SNTG1: variants seen among roughly 807,000 people sequenced by gnomAD.
The protein encoded by SNTG1 is syntrophin gamma 1.
SNTG1 carries 39 observed loss-of-function variants against 74.7 expected under a neutral mutation model. That is an observed-to-expected ratio of 0.52 (90% CI 0.40 to 0.68). SNTG1 has a LOEUF of 0.68. Ranked by LOEUF, SNTG1 falls within the 30% of genes least tolerant of loss-of-function variation. The pLI is 0.00. For missense variants in SNTG1, 685 were observed against 609.5 expected (o/e 1.12, Z -1.30); for synonymous variants, 254 against 217.1 (o/e 1.17, Z -1.49).
intron 6 of SNTG1, among the ~76,000 whole-genome samples, chr8:50,449,990 TTG>T (rs1333664251): frequency 6.6e-6 from 1 of 152,180 alleles, no homozygotes; most frequent in Non-Finnish European, 1.5e-5. Context: ...AGCTTTTCAG[TTG>T]TTTCATTAAA....
At chr8:49,951,068 C>T (rs1032278703) in intron 1 of SNTG1, among the ~76,000 whole-genome samples, 1 of 152,268 alleles carries the variant, frequency 6.6e-6, no homozygotes, top group East Asian at 1.9e-4. Context: ...TTGAATTAAT[C>T]TATTCTAACA....
intron 9 of SNTG1, among the ~76,000 whole-genome samples, chr8:50,521,811 G>C (rs1388968980): frequency 6.6e-6 from 1 of 152,010 alleles, no homozygotes; most frequent in Non-Finnish European, 1.5e-5. Context: ...ACACTCATGA[G>C]ATTGGAACAA....
At chr8:50,052,337 T>A (rs1819647597) in intron 1 of SNTG1, among the ~76,000 whole-genome samples, 1 of 152,142 alleles carries the variant, frequency 6.6e-6, no homozygotes, top group South Asian at 2.1e-4. Flanking sequence ...TAATAGTATT[T>A]TTATCCAACG....
At chr8:50,020,693 C>T (rs910946277) in intron 1 of SNTG1, among the ~76,000 whole-genome samples, 21 of 152,128 alleles carry the variant, frequency 1.4e-4, no homozygotes, top group African/African-American at 2.2e-4. Context: ...GCATAGACTA[C>T]ACCCCTGCAT....
intron 12 of SNTG1, among the ~76,000 whole-genome samples, chr8:50,573,826 A>G (rs1772720716): frequency 1.3e-5 from 2 of 151,940 alleles, no homozygotes; most frequent in African/African-American, 4.8e-5. Context: ...TTAATAACTT[A>G]TAAGTATACT....
intron 4 of SNTG1, among the ~76,000 whole-genome samples, chr8:50,422,616 TG>T (rs35947393): frequency 0.89 from 135,066 of 151,896 alleles, 60,516 homozygotes; most frequent in Non-Finnish European, 0.96. Context: ...AAAGGTAGGT[TG>T]GGGGGAAGGG....
intron 13 of SNTG1, among the ~76,000 whole-genome samples, chr8:50,597,455 A>T (rs1307669288): frequency 2.0e-5 from 3 of 150,498 alleles, no homozygotes. Flanking sequence ...TTATTCATTC[A>T]TCTGTATATG....
At chr8:50,469,522 T>A (rs1190411525) in intron 8 of SNTG1, among the ~76,000 whole-genome samples, 2 of 152,120 alleles carry the variant, frequency 1.3e-5, no homozygotes, top group African/African-American at 4.8e-5. Context: ...TCAAAATTCA[T>A]CTAATTCCTT....
At chr8:50,292,278 T>C (rs1359846359) in intron 2 of SNTG1, among the ~76,000 whole-genome samples, 1 of 152,014 alleles carries the variant, frequency 6.6e-6, no homozygotes, top group Non-Finnish European at 1.5e-5. Context: ...GAGAGCATAA[T>C]CTACTTGAAT....
intron 2 of SNTG1, among the ~76,000 whole-genome samples, chr8:50,214,822 G>T (rs2084699783): frequency 6.6e-6 from 1 of 152,096 alleles, no homozygotes; most frequent in African/African-American, 2.4e-5. Context: ...TCAAAAAATT[G>T]CAAGTGAGAT....
intron 1 of SNTG1, among the ~76,000 whole-genome samples, chr8:49,923,970 A>T (rs1286832675): frequency 1.3e-5 from 2 of 152,220 alleles, no homozygotes; most frequent in Non-Finnish European, 2.9e-5. Context: ...GAACATCATT[A>T]GACCTATATC....
chr8:50,093,469 C>A (rs1243459893), intron 1 of SNTG1, among the ~76,000 whole-genome samples: 6 of 151,960 alleles, frequency 3.9e-5, no homozygotes, highest in African/African-American at 1.5e-4. Context: ...TAATTAGCAC[C>A]AAATAACACT....
intron 17 of SNTG1, among the ~76,000 whole-genome samples, chr8:50,716,017 T>A (rs1279351817): frequency 1.3e-5 from 2 of 152,206 alleles, no homozygotes; most frequent in African/African-American, 4.8e-5. Flanking sequence ...AAATCTTTGA[T>A]ATGGCTTTGA....
chr8:50,572,502 A>G (rs1563594344), intron 12 of SNTG1, among the ~76,000 whole-genome samples: 1 of 152,178 alleles, frequency 6.6e-6, no homozygotes, highest in African/African-American at 2.4e-5. Context: ...AAGAAAGCTC[A>G]CTCAGATATA....
intron 1 of SNTG1, among the ~76,000 whole-genome samples, chr8:50,010,247 G>T (rs1417551839): frequency 6.6e-6 from 1 of 151,968 alleles, no homozygotes; most frequent in Non-Finnish European, 1.5e-5. Flanking sequence ...CAGTATTCAA[G>T]GTGTATTACT....
chr8:49,963,505 T>A (rs1461393975), intron 1 of SNTG1, among the ~76,000 whole-genome samples: 1 of 152,216 alleles, frequency 6.6e-6, no homozygotes, highest in East Asian at 1.9e-4. Context: ...ATAGTGTTTT[T>A]CTTTTGGTAT....
chr8:50,193,607 C>A (rs2083658138), intron 2 of SNTG1, among the ~76,000 whole-genome samples: 1 of 152,066 alleles, frequency 6.6e-6, no homozygotes, highest in Non-Finnish European at 1.5e-5. Context: ...AGGATCATAT[C>A]ATCAGCAAAC....
intron 17 of SNTG1, among the ~76,000 whole-genome samples, chr8:50,717,955 C>T (rs1394482708): frequency 1.3e-5 from 2 of 152,166 alleles, no homozygotes; most frequent in African/African-American, 2.4e-5. Context: ...TCTTGATCAA[C>T]CAGTCAGCAG....
intron 2 of SNTG1, among the ~76,000 whole-genome samples, chr8:50,256,145 T>A (rs2086870093): frequency 6.6e-6 from 1 of 152,184 alleles, no homozygotes; most frequent in Non-Finnish European, 1.5e-5. Flanking sequence ...CAGTTAAGTA[T>A]GTTCCATGTG....
Sources: gnomAD v4.1 joint callset for allele counts (sites outside exome capture counted in the v4.1 genomes callset) on GRCh38, gnomAD v4.1.1 for gene constraint, MANE v1.5 for transcripts, NCBI Gene and HGNC (gene_info 2026-07-23, HGNC 2026-07-21) for gene names.